NUF2: variants seen among roughly 807,000 people sequenced by gnomAD.
The protein encoded by NUF2 is kinetochore protein Nuf2.
Under a neutral mutation model 61.8 loss-of-function variants are expected in NUF2, and 34 were observed. The ratio of observed to expected loss-of-function variants is 0.55; its 90% CI spans 0.42 to 0.73. NUF2 has a LOEUF of 0.73. Among genes scored for constraint, NUF2 ranks in the 30% least tolerant of loss-of-function variants. NUF2 has a pLI of 0.00. For missense variants in NUF2, 445 were observed against 539.1 expected (o/e 0.83, Z 1.73); for synonymous variants, 172 against 181.6 (o/e 0.95, Z 0.42).
chr1:163,347,404 T>C (rs1259816089), intron 11 of NUF2, among the ~76,000 whole-genome samples: 1 of 152,230 alleles, frequency 6.6e-6, no homozygotes, highest in Non-Finnish European at 1.5e-5. Context: ...AAAAAAGATG[T>C]GTATCTACTG....
At chr1:163,336,339 G>T (rs1396350068) in intron 5 of NUF2, among the ~76,000 whole-genome samples, 1 of 152,060 alleles carries the variant, frequency 6.6e-6, no homozygotes, top group Non-Finnish European at 1.5e-5. Flanking sequence ...TTTTATTTGT[G>T]TTCTCTTTCT....
chr1:163,344,509 T>G (rs1035290870), intron 10 of NUF2, among the ~76,000 whole-genome samples: 1 of 151,068 alleles, frequency 6.6e-6, no homozygotes, highest in African/African-American at 2.4e-5. Flanking sequence ...CAAGGCCCAA[T>G]TCATTGTGTA....
At chr1:163,327,098 T>TCACACACA (rs752584850) in intron 2 of NUF2, among the ~76,000 whole-genome samples, 60 of 33,364 alleles carry the variant, frequency 1.8e-3, no homozygotes, top group African/African-American at 2.9e-3. Context: ...TTTCCTGTGT[T>TCACACACA]CACACACACA....
In NUF2 at chr1:163,336,823, C is replaced by T. The variant is rs1368454011; in HGVS notation, c.410C>T (p.Thr137Met). Reference protein sequence around the residue: ...FIHFREACRETYMEFLWQYKS... With the variant: ...FIHFREACREMYMEFLWQYKS... ...CACTTCAGAGAAGCATGCCGTGAAA[C>T]GTATATGGAATTTCTTTGGCAATAT... Residue 137 changes from threonine to methionine, a missense_variant, in exon 6 of 14, where the codon ACG (threonine) becomes ATG (methionine). Physicochemically the swap from Thr to Met is moderately conservative, Grantham distance 81. Transcript: ENST00000271452. 11 of 1,610,856 alleles carry T rather than the reference C, an allele frequency of 6.8e-6. No individual in the cohort carries two copies. The highest frequency in any genetic ancestry group is 2.2e-5 in the East Asian group (1 of 44,748).
chr1:163,336,602 G>T, intron 5 of NUF2, 149 bp from the exon 6 acceptor site: 1 of 446,066 alleles, frequency 2.2e-6, no homozygotes, highest in Non-Finnish European at 3.9e-6. Flanking sequence ...TTACCTTTAA[G>T]TTAGAGCAGA....
intron 5 of NUF2, 72 bp downstream of exon 5, chr1:163,328,979 A>T (rs1650515614): frequency 8.2e-4 from 89 of 108,588 alleles, no homozygotes; most frequent in Non-Finnish European, 1.0e-3. Flanking sequence ...CAGTAAATGT[A>T]AAAAAAAAAA....
chr1:163,328,106 G>A (rs41272017), intron 3 of NUF2, 122 bp from the exon 4 acceptor site: 61,014 of 551,712 alleles, frequency 0.11, 4,174 homozygotes, highest in South Asian at 0.18. Context: ...ATTTATACTA[G>A]GATATGTATT....
chr1:163,355,489 T>G lies in NUF2; in HGVS notation c.*20T>G. 1 of 1,573,212 alleles carries G rather than the reference T, an allele frequency of 6.4e-7. No individual in the cohort carries two copies. ...ACCTGATTAACAAAATTACATGTCTTTTTGTAAATGGCTTGCCATCTTTTA... is the reference window on the plus strand; with the variant it reads ...ACCTGATTAACAAAATTACATGTCTGTTTGTAAATGGCTTGCCATCTTTTA... On this transcript the variant is annotated 3_prime_UTR_variant, in exon 14 of 14. Transcript: ENST00000271452.
chr1:163,353,044 G>A (rs1651375255), intron 13 of NUF2, among the ~76,000 whole-genome samples: 1 of 152,152 alleles, frequency 6.6e-6, no homozygotes. Flanking sequence ...CCAGTGGGGA[G>A]CTATTAGTAA....
chr1:163,350,241 G>T (rs1429210734), intron 13 of NUF2, among the ~76,000 whole-genome samples: 1 of 151,580 alleles, frequency 6.6e-6, no homozygotes, highest in African/African-American at 2.4e-5. Flanking sequence ...GGCAGAGCTT[G>T]CAGTGAGCTG....
chr1:163,349,920 T>G (rs921368016), intron 13 of NUF2, among the ~76,000 whole-genome samples: 4 of 151,964 alleles, frequency 2.6e-5, no homozygotes, highest in African/African-American at 9.7e-5. Context: ...GTTTTTTTTT[T>G]TCTATACCTC....
Position 163,339,392 on chromosome 1 carries a change from T to A in NUF2, c.521T>A (p.Val174Asp). 1 of 1,609,644 alleles carries A rather than the reference T, an allele frequency of 6.2e-7. No homozygotes were observed. Among genetic ancestry groups the A allele is most frequent in the Non-Finnish European group, 8.5e-7 (1 of 1,176,312 alleles). ...MKLERLDSVP[V>D]EEQEEFKQLS... ...TTTGCTGTGTTAAGTTCTGTTCCAGTTGAAGAGCAAGAAGAGTTCAAGCAG... is the reference window on the plus strand; with the variant it reads ...TTTGCTGTGTTAAGTTCTGTTCCAGATGAAGAGCAAGAAGAGTTCAAGCAG... Residue 174 changes from valine to aspartate, a missense_variant, in exon 8 of 14, where the codon GTT becomes GAT. Coordinates refer to ENST00000271452, the MANE Select transcript of NUF2 (RefSeq NM_145697.3).
chr1:163,338,814 A>G (rs1650845789), intron 7 of NUF2, among the ~76,000 whole-genome samples: 1 of 152,180 alleles, frequency 6.6e-6, no homozygotes, highest in Admixed American at 6.5e-5. Context: ...TATTCCTAAT[A>G]TACAAATATA....
At chr1:163,345,839 T>C (rs772498097) in intron 11 of NUF2, 21 bp downstream of exon 11, 1 of 1,540,672 alleles carries the variant, frequency 6.5e-7, no homozygotes, top group South Asian at 1.2e-5. Context: ...TATGGAATTT[T>C]GATGTCTTTA....
At chr1:163,329,036 C>A (rs1389971201) in intron 5 of NUF2, 129 bp downstream of exon 5, 1 of 472,278 alleles carries the variant, frequency 2.1e-6, no homozygotes, top group East Asian at 3.2e-5. Context: ...AAAAGTATAT[C>A]CCATTTTTAA....
At chr1:163,339,581 AG>A (rs1183456535) in intron 8 of NUF2, 104 bp downstream of exon 8, 1 of 661,610 alleles carries the variant, frequency 1.5e-6, no homozygotes, top group Non-Finnish European at 2.7e-6. Flanking sequence ...CTATTACCAA[AG>A]AAACAGAATA....
At chr1:163,336,432 G>C (rs1230124381) in intron 5 of NUF2, among the ~76,000 whole-genome samples, 1 of 152,102 alleles carries the variant, frequency 6.6e-6, no homozygotes, top group Non-Finnish European at 1.5e-5. Flanking sequence ...GGAGATTGCT[G>C]TCCTATATTG....
intron 1 of NUF2, among the ~76,000 whole-genome samples, chr1:163,324,156 A>G (rs1400571061): frequency 6.6e-6 from 1 of 152,232 alleles, no homozygotes; most frequent in African/African-American, 2.4e-5. Flanking sequence ...GCCATACATA[A>G]AGAAATTATA....
Position 163,349,080 on chromosome 1 carries a change from G to A in NUF2, c.1260G>A (p.Gln420=). 5 of 1,600,554 alleles carry A rather than the reference G, an allele frequency of 3.1e-6. No individual in the cohort carries two copies. Among genetic ancestry groups the A allele is most frequent in the Non-Finnish European group, 4.2e-6 (5 of 1,176,722 alleles). ...DAAEREKLKS[Q]EIFLNLKTAL... ...CTGAAAGGGAGAAACTGAAGTCCCAGGTGAATATGTGTTCATAAGAAGTTA... is the reference window on the plus strand; with the variant it reads ...CTGAAAGGGAGAAACTGAAGTCCCAAGTGAATATGTGTTCATAAGAAGTTA... Residue 420 remains glutamine (Q), a splice_region_variant and synonymous_variant, in exon 13 of 14, where the codon CAG becomes CAA. Transcript: ENST00000271452.
Sources: allele counts gnomAD v4.1 joint callset (sites outside exome capture counted in the v4.1 genomes callset), GRCh38; gene constraint gnomAD v4.1.1; transcripts MANE v1.5; gene names NCBI Gene and HGNC (gene_info 2026-07-23, HGNC 2026-07-21).